The following TSPEAR variants were observed in gnomAD, a reference collection of about 807,000 sequenced individuals.
TSPEAR encodes thrombospondin-type laminin G domain and EAR repeat-containing protein.
In TSPEAR, 69 loss-of-function variants were observed where a neutral mutation model predicts 71.6. That is an observed-to-expected ratio of 0.96 (90% CI 0.79 to 1.18). The LOEUF is 1.18. Ranked by LOEUF, TSPEAR falls within the 50% of genes most tolerant of loss-of-function variation. The probability of loss-of-function intolerance (pLI) is 0.00; values close to 1 mark genes in which losing one functional copy is unlikely to be tolerated. For synonymous variants in TSPEAR, 402 were observed against 387.2 expected, an observed-to-expected ratio of 1.04 and a Z score of -0.45; for missense variants, 971 against 894.9, an observed-to-expected ratio of 1.09 and a Z score of -1.09.
At chr21:44,698,048 T>G (rs1987468963) in intron 1 of TSPEAR, 1 of 1,330,288 alleles carries the variant, frequency 7.5e-7, no homozygotes, top group Non-Finnish European at 1.0e-6. Flanking sequence ...GCTGCTCTGG[T>G]GTCTGTCTCT....
intron 1 of TSPEAR, among the ~76,000 whole-genome samples, chr21:44,630,075 C>A: frequency 6.6e-6 from 1 of 152,168 alleles, no homozygotes; most frequent in Non-Finnish European, 1.5e-5. Context: ...GTGATAGAAA[C>A]CAACTCAGGA....
At chr21:44,518,759 T>A (rs1555913874) in intron 9 of TSPEAR, 1 of 461,226 alleles carries the variant, frequency 2.2e-6, no homozygotes, top group East Asian at 7.1e-5. Context: ...CAACTATTCC[T>A]TGTGTGATAA....
Position 44,694,988 on chromosome 21 carries a change from G to T in TSPEAR, c.82+16445C>A, listed in dbSNP as rs368045647. ...GGGTCTCCCCTGGACTTGCCCCAAG[G>T]GGGGTCGTGCTTTGCCCCAACCCTC... is the stretch of plus-strand genomic sequence containing the variant. On this transcript the variant is annotated intron_variant, in intron 1 of 11. Coordinates refer to ENST00000323084, the MANE Select transcript of TSPEAR (RefSeq NM_144991.3). 5.7e-4 allele frequency among the ~76,000 whole-genome samples: 87 copies of T among 152,280 alleles called. No individual in the cohort carries two copies. The South Asian group carries it at 0.017, about 30-fold the overall frequency.
Position 44,523,625 on chromosome 21 carries a change from TAATC to T in TSPEAR, c.1337-1517_1337-1514del, listed in dbSNP as rs150302656. On this transcript the variant is annotated intron_variant, in intron 8 of 11. Coordinates refer to ENST00000323084, the MANE Select transcript of TSPEAR (RefSeq NM_144991.3). ...GGTAGTCAGTCATCAGTCAGGTAGT[TAATC>T]AGTCAGGTAGTCAGTCATCAGTGAG... is the stretch of plus-strand genomic sequence containing the variant. Among the ~76,000 whole-genome samples the T allele has an allele frequency of 9.8e-3, 1,482 of 151,664 alleles. 19 individuals carry two copies. The highest frequency in any genetic ancestry group is 0.015 in the Non-Finnish European group (992 of 67,852).
intron 1 of TSPEAR, among the ~76,000 whole-genome samples, chr21:44,648,619 C>T (rs982737075): frequency 3.9e-5 from 6 of 152,198 alleles, no homozygotes; most frequent in African/African-American, 1.4e-4. Flanking sequence ...GAGCCTAAGG[C>T]ACAGGGGAGT....
At chr21:44,505,804 T>A (rs2052184864) in intron 10 of TSPEAR, among the ~76,000 whole-genome samples, 1 of 151,998 alleles carries the variant, frequency 6.6e-6, no homozygotes, top group Non-Finnish European at 1.5e-5. Flanking sequence ...TGTTTGTCCA[T>A]CCGCTGACAG....
chr21:44,677,162 C>T, intron 1 of TSPEAR: 1 of 715,518 alleles, frequency 1.4e-6, no homozygotes, highest in South Asian at 1.5e-5. Flanking sequence ...TTATATGAGG[C>T]TTGGCCCCAG....
chr21:44,697,694 G>C (rs1292415841), intron 1 of TSPEAR: 2 of 1,612,574 alleles, frequency 1.2e-6, no homozygotes, highest in Admixed American at 3.3e-5. Context: ...CTGTGTGCCT[G>C]TCTGCTCTGG....
chr21:44,508,948 C>T (rs1258783844), intron 10 of TSPEAR: 2 of 1,533,242 alleles, frequency 1.3e-6, no homozygotes, highest in Non-Finnish European at 1.8e-6. Flanking sequence ...TGTGAAGGGG[C>T]AGAACTCCGC....
chr21:44,650,165 G>A (rs902973051), intron 1 of TSPEAR, among the ~76,000 whole-genome samples: 4 of 151,914 alleles, frequency 2.6e-5, no homozygotes, highest in African/African-American at 7.2e-5. Context: ...GCAGTGAGCC[G>A]TGATCGCGCC....
intron 2 of TSPEAR, among the ~76,000 whole-genome samples, chr21:44,562,539 GAC>G (rs1485452159): frequency 6.6e-6 from 1 of 152,088 alleles, no homozygotes; most frequent in East Asian, 1.9e-4. Context: ...CTAAGGTGGA[GAC>G]ACACAAAAGA....
At chr21:44,634,248 G>C (rs75747619) in intron 1 of TSPEAR, among the ~76,000 whole-genome samples, 1,560 of 152,154 alleles carry the variant, frequency 0.01, 30 homozygotes, top group African/African-American at 0.036. Context: ...GCAATACCCT[G>C]TCTCTGTTTT....
chr21:44,502,044 G>A (rs994872568), intron 11 of TSPEAR, among the ~76,000 whole-genome samples: 2 of 152,204 alleles, frequency 1.3e-5, no homozygotes, highest in Non-Finnish European at 2.9e-5. Flanking sequence ...GAAGCCAGTG[G>A]CTTATTCAAT....
At chr21:44,558,682 C>T (rs782557473) in intron 2 of TSPEAR, 20 of 1,612,282 alleles carry the variant, frequency 1.2e-5, no homozygotes, top group African/African-American at 6.7e-5. Flanking sequence ...TCAGAGTAAG[C>T]GCTGGAGCAG....
chr21:44,591,689 A>C (rs782667470), intron 1 of TSPEAR: 1 of 1,577,400 alleles, frequency 6.3e-7, no homozygotes, highest in Non-Finnish European at 8.7e-7. Context: ...GCGTGCTGGC[A>C]GGGGGAGGAG....
intron 1 of TSPEAR, among the ~76,000 whole-genome samples, chr21:44,635,345 CA>C (rs56054652): frequency 0.2 from 16,981 of 83,336 alleles, 581 homozygotes; most frequent in Non-Finnish European, 0.23. Context: ...GACTCTGTCT[CA>C]AAAAAAAAAA....
rs200660526 is a variant in TSPEAR, at chr21:44,539,393, G to T, written c.304-5470C>A. The T allele has an allele frequency of 3.7e-6, 6 of 1,601,678 alleles. No individual in the cohort carries two copies. The highest frequency in any genetic ancestry group is 5.1e-6 in the Non-Finnish European group (6 of 1,170,008). On this transcript the variant is annotated intron_variant, in intron 2 of 11. Transcript: ENST00000323084. ...GCTGGCCTGGCAGGAGGAGGCAGGG[G>T]CACAGCAGGAGGAGACAGGCATACA...
intron 9 of TSPEAR, among the ~76,000 whole-genome samples, chr21:44,521,502 C>A (rs1490147184): frequency 1.3e-5 from 2 of 152,234 alleles, no homozygotes; most frequent in Admixed American, 1.3e-4. Context: ...AGGGCCAGGG[C>A]CCTGACGACC....
chr21:44,601,296 G>C lies in TSPEAR; in HGVS notation c.83-33291C>G, dbSNP rs587765054. On this transcript the variant is annotated intron_variant, in intron 1 of 11. Transcript: ENST00000323084. ...CTTGCTGCACCTCCTCCCCTTGCCAGCAGGCCTGCTGTGTGCCTGTCTGCT... is the reference window on the plus strand; with the variant it reads ...CTTGCTGCACCTCCTCCCCTTGCCACCAGGCCTGCTGTGTGCCTGTCTGCT... 5.6e-6 allele frequency: 9 copies of C among 1,611,222 alleles called. No individual in the cohort carries two copies. The African/African-American group carries it at 1.2e-4, about 22-fold the overall frequency.
Sources: allele counts gnomAD v4.1 joint callset (sites outside exome capture counted in the v4.1 genomes callset), GRCh38; gene constraint gnomAD v4.1.1; transcripts MANE v1.5; gene names NCBI Gene and HGNC (gene_info 2026-07-23, HGNC 2026-07-21).